KCNK2: variants seen among roughly 807,000 people sequenced by gnomAD.
KCNK2 encodes the protein potassium two pore domain channel subfamily K member 2, also known as potassium channel subfamily K member 2.
KCNK2 carries 21 observed loss-of-function variants against 40.5 expected under a neutral mutation model. The observed-to-expected ratio is 0.52, with a 90% CI of 0.37 to 0.75. KCNK2 has a LOEUF of 0.75. Ranked by LOEUF, KCNK2 falls within the 30% of genes least tolerant of loss-of-function variation. The pLI is 0.00. For synonymous variants in KCNK2, 191 were observed against 202.2 expected, an observed-to-expected ratio of 0.94 and a Z score of 0.47; for missense variants, 399 against 531.6, an observed-to-expected ratio of 0.75 and a Z score of 2.45.
At chr1:215,041,367 T>C (rs1263229441) in intron 1 of KCNK2, among the ~76,000 whole-genome samples, 1 of 152,172 alleles carries the variant, frequency 6.6e-6, no homozygotes, top group Non-Finnish European at 1.5e-5. Context: ...ACATAGTATG[T>C]GCTAACCCAT....
At chr1:215,044,598 G>A (rs982914866) in intron 1 of KCNK2, among the ~76,000 whole-genome samples, 11 of 152,084 alleles carry the variant, frequency 7.2e-5, no homozygotes, top group Non-Finnish European at 1.6e-4. Context: ...GCTTGGCAAA[G>A]TAACCCATTA....
At chr1:215,017,294 G>A (rs952897200) in intron 1 of KCNK2, among the ~76,000 whole-genome samples, 6 of 152,076 alleles carry the variant, frequency 3.9e-5, no homozygotes, top group African/African-American at 1.4e-4. Context: ...GCATTCCCAT[G>A]TTTACTGCAG....
At position 215,083,200 on chromosome 1, in the gene KCNK2, C is replaced by CCT; in HGVS notation, c.-185_-184insTC. 4 of 748,254 alleles carry CCT rather than the reference C, an allele frequency of 5.3e-6. No individual in the cohort carries two copies. Among genetic ancestry groups the CCT allele is most frequent in the South Asian group, 1.5e-5 (1 of 68,674 alleles). 46.4% of individuals were successfully genotyped at this position (748,254 alleles called of 1,614,324 possible). ...ATTTCGTTTCTTCTCACGCTCCCCC[C>CCT]CCCGCCCCCTCCCGCGTCCAGCCCC... is the stretch of plus-strand genomic sequence containing the variant. On this transcript the variant is annotated 5_prime_UTR_variant, in exon 1 of 7. Coordinates refer to ENST00000444842, the MANE Select transcript of KCNK2 (RefSeq NM_001017425.3).
At chr1:215,041,024 A>G (rs572983552) in intron 1 of KCNK2, among the ~76,000 whole-genome samples, 1 of 152,288 alleles carries the variant, frequency 6.6e-6, no homozygotes, top group South Asian at 2.1e-4. Flanking sequence ...AAGCTTTTGC[A>G]TTCTTATGTT....
intron 5 of KCNK2, among the ~76,000 whole-genome samples, chr1:215,177,791 A>T (rs1664050649): frequency 2.5e-5 from 3 of 121,924 alleles, no homozygotes; most frequent in East Asian, 2.4e-4. Context: ...CTACCCTTGT[A>T]GTGTTGTTTG....
Position 215,036,712 on chromosome 1 carries a change from G to C in KCNK2, c.34+30757G>C, listed in dbSNP as rs111343504. 3.3e-5 allele frequency among the ~76,000 whole-genome samples: 5 copies of C among 151,602 alleles called. No individual in the cohort carries two copies. In the East Asian group the frequency reaches 9.7e-4, roughly 29 times the overall value. ...CTTTGCTGCTTATGAACAATGTTTTGTAGTATTCAATGTACAGATTTTACA... is the reference window on the plus strand; with the variant it reads ...CTTTGCTGCTTATGAACAATGTTTTCTAGTATTCAATGTACAGATTTTACA... On this transcript the variant is annotated intron_variant, in intron 1 of 6. Coordinates refer to the KCNK2 transcript ENST00000391895.
At chr1:215,087,876 C>A (rs1659517292) in intron 2 of KCNK2, among the ~76,000 whole-genome samples, 1 of 152,180 alleles carries the variant, frequency 6.6e-6, no homozygotes, top group African/African-American at 2.4e-5. Flanking sequence ...ACAGCATATG[C>A]ATACACGTTC....
Position 215,067,769 on chromosome 1 carries a change from G to C in KCNK2, c.35-18599G>C, listed in dbSNP as rs1210666854. ...TAATCCCAGCTACTTGGAAGGCTGAGGCAGGAGAATTGCTTGAACCCAGGA... is the reference window on the plus strand; with the variant it reads ...TAATCCCAGCTACTTGGAAGGCTGACGCAGGAGAATTGCTTGAACCCAGGA... On this transcript the variant is annotated intron_variant, in intron 1 of 6. Transcript: ENST00000391895. Among the ~76,000 whole-genome samples, 8 of 152,254 alleles carry C rather than the reference G, an allele frequency of 5.3e-5. No individual in the cohort carries two copies. In the East Asian group the frequency reaches 1.5e-3, roughly 29 times the overall value.
intron 6 of KCNK2, 71 bp downstream of exon 6, chr1:215,195,163 A>G (rs2102665333): frequency 8.3e-7 from 1 of 1,199,176 alleles, no homozygotes; most frequent in Non-Finnish European, 1.2e-6. Context: ...AATTATTTTT[A>G]TGTTTACATT....
intron 4 of KCNK2, among the ~76,000 whole-genome samples, chr1:215,170,159 A>G (rs888817191): frequency 3.3e-5 from 5 of 152,142 alleles, no homozygotes; most frequent in African/African-American, 1.2e-4. Context: ...ATACCCTTAT[A>G]AAGCCCCTTT....
intron 5 of KCNK2, among the ~76,000 whole-genome samples, chr1:215,189,702 A>G (rs1312571186): frequency 1.3e-5 from 2 of 152,176 alleles, no homozygotes; most frequent in African/African-American, 4.8e-5. Flanking sequence ...TCATATTTCC[A>G]TTTGTTATAA....
chr1:215,025,147 T>A (rs937250575), intron 1 of KCNK2, among the ~76,000 whole-genome samples: 2 of 152,086 alleles, frequency 1.3e-5, no homozygotes, highest in Admixed American at 6.6e-5. Flanking sequence ...TAACTCTTCA[T>A]AAATTACTTA....
intron 3 of KCNK2, among the ~76,000 whole-genome samples, chr1:215,126,690 T>G (rs1401216344): frequency 1.3e-5 from 2 of 152,128 alleles, no homozygotes; most frequent in Admixed American, 1.3e-4. Context: ...AGACATACAC[T>G]TCAACACATG....
intron 2 of KCNK2, among the ~76,000 whole-genome samples, chr1:215,102,213 A>G (rs1355584530): frequency 6.6e-6 from 1 of 152,022 alleles, no homozygotes; most frequent in Non-Finnish European, 1.5e-5. Flanking sequence ...GCATGTCATT[A>G]TTCCTGAACA....
chr1:215,145,092 C>G (rs1324353077), intron 3 of KCNK2, among the ~76,000 whole-genome samples: 2 of 152,092 alleles, frequency 1.3e-5, no homozygotes, highest in Non-Finnish European at 2.9e-5. Flanking sequence ...AGAGAAAGTG[C>G]TATCATCATT....
At chr1:215,031,257 C>G (rs149090632) in intron 1 of KCNK2, among the ~76,000 whole-genome samples, 2 of 152,108 alleles carry the variant, frequency 1.3e-5, no homozygotes, top group Non-Finnish European at 2.9e-5. Context: ...ATCAGTTTGT[C>G]GATAGCCACT....
At chr1:215,062,437 T>G (rs758981596) in intron 1 of KCNK2, among the ~76,000 whole-genome samples, 1 of 151,854 alleles carries the variant, frequency 6.6e-6, no homozygotes, top group Non-Finnish European at 1.5e-5. Context: ...GTCTACAACA[T>G]CAGATATTTA....
In KCNK2 at chr1:215,172,155, A is replaced by T; in HGVS notation, c.795A>T (p.Thr265=). ...DAIYFVVITL[T]TIGFGDYVAG... Reference sequence around the variant, plus strand: ...TTTATTTTGTGGTTATCACTCTAACAACTATTGGATTTGGTGACTACGTTG... The same window carrying T: ...TTTATTTTGTGGTTATCACTCTAACTACTATTGGATTTGGTGACTACGTTG... Residue 265 remains threonine (T), a synonymous_variant, in exon 5 of 7, where the codon ACA becomes ACT. Transcript: ENST00000444842. 1 of 1,613,176 alleles carries T rather than the reference A, an allele frequency of 6.2e-7. No individual in the cohort carries two copies. The highest frequency in any genetic ancestry group is 8.5e-7 in the Non-Finnish European group (1 of 1,179,582).
chr1:215,050,281 T>C (rs1201218450), intron 1 of KCNK2, among the ~76,000 whole-genome samples: 1 of 152,182 alleles, frequency 6.6e-6, no homozygotes, highest in Admixed American at 6.5e-5. Context: ...TAATGTCAGT[T>C]TCTACATGTT....
Sources: gnomAD v4.1 joint callset for allele counts (sites outside exome capture counted in the v4.1 genomes callset) on GRCh38, gnomAD v4.1.1 for gene constraint, MANE v1.5 for transcripts, NCBI Gene and HGNC (gene_info 2026-07-23, HGNC 2026-07-21) for gene names.